SNX24: variants seen among roughly 807,000 people sequenced by gnomAD.
SNX24 encodes sorting nexin 24.
In SNX24, 22 loss-of-function variants were observed where a neutral mutation model predicts 28.7. The ratio of observed to expected loss-of-function variants is 0.77; its 90% confidence interval spans 0.55 to 1.10. SNX24 has a LOEUF of 1.10. SNX24 is among the 50% of genes least tolerant of loss of function. The pLI, the probability that SNX24 is intolerant of heterozygous loss-of-function variation, is 0.00. For missense variants in SNX24, 221 were observed against 201.1 expected (o/e 1.10, Z -0.60); for synonymous variants, 69 against 71.5 (o/e 0.96, Z 0.18).
In SNX24 at chr5:123,008,834, T is replaced by G; in HGVS notation, c.*1085T>G. On this transcript the variant is annotated 3_prime_UTR_variant, in exon 7 of 7. Coordinates refer to ENST00000261369, the MANE Select transcript of SNX24 (RefSeq NM_014035.4). ...GATATAACTCCACTGTACATCATCC[T>G]TTGAGTAGTAAAGGATAAAAGCATA... 6 of 974,624 alleles carry G rather than the reference T, an allele frequency of 6.2e-6. No individual in the cohort carries two copies. Among genetic ancestry groups the G allele is most frequent in the Non-Finnish European group, 7.3e-6 (6 of 819,610 alleles). 60.4% of individuals were successfully genotyped at this position (974,624 alleles called of 1,614,324 possible). A position where few individuals can be genotyped will look rare whatever the true frequency, so the allele number is the denominator to read the frequency against.
chr5:122,900,871 C>T (rs530252678), intron 1 of SNX24, among the ~76,000 whole-genome samples: 2 of 152,214 alleles, frequency 1.3e-5, no homozygotes, highest in South Asian at 4.2e-4. Context: ...AAGTAATGTT[C>T]CTTTTTCAGA....
downstream of SNX24, among the ~76,000 whole-genome samples, chr5:123,010,939 A>G (rs1257381969): frequency 6.6e-6 from 1 of 151,604 alleles, no homozygotes; most frequent in African/African-American, 2.4e-5. Flanking sequence ...AGCTGTATGG[A>G]TCTTCTATAA....
intron 3 of SNX24, among the ~76,000 whole-genome samples, chr5:122,947,028 G>A (rs908180028): frequency 1.3e-5 from 2 of 152,118 alleles, no homozygotes; most frequent in Non-Finnish European, 1.5e-5. Flanking sequence ...CTGGAGAAGC[G>A]ACACATGAGA....
intron 2 of SNX24, among the ~76,000 whole-genome samples, chr5:122,941,295 A>G (rs1759433928): frequency 6.6e-6 from 1 of 152,112 alleles, no homozygotes; most frequent in African/African-American, 2.4e-5. Flanking sequence ...TGAGGGAACC[A>G]TTATTCTGTC....
chr5:122,919,808 G>A (rs1758343407), intron 1 of SNX24, among the ~76,000 whole-genome samples: 1 of 152,144 alleles, frequency 6.6e-6, no homozygotes, highest in Admixed American at 6.5e-5. Context: ...ACCAGGTGCT[G>A]GCTACACGGT....
In SNX24 at chr5:122,975,882, G is replaced by A. The variant is rs1761142128; in HGVS notation, c.250-24030G>A. Among the ~76,000 whole-genome samples the A allele has an allele frequency of 2.6e-5, 4 of 152,152 alleles. No individual in the cohort carries two copies. The South Asian group carries it at 8.3e-4, about 32-fold the overall frequency. ...ATAATCATTCCCATATACCTTTAAGGGAACTGAAATTGTAGCAACCTTTTG... is the reference window on the plus strand; with the variant it reads ...ATAATCATTCCCATATACCTTTAAGAGAACTGAAATTGTAGCAACCTTTTG... On this transcript the variant is annotated intron_variant, in intron 3 of 6. Transcript: ENST00000261369.
intron 1 of SNX24, among the ~76,000 whole-genome samples, chr5:122,935,650 C>CT (rs1759148664): frequency 6.6e-6 from 1 of 152,282 alleles, no homozygotes; most frequent in African/African-American, 2.4e-5. Context: ...AATAGTCATA[C>CT]TTACATGTAA....
chr5:122,882,330 C>G (rs1756517057), intron 1 of SNX24, among the ~76,000 whole-genome samples: 1 of 152,180 alleles, frequency 6.6e-6, no homozygotes, highest in African/African-American at 2.4e-5. Flanking sequence ...TCCCACATAC[C>G]TTGTTAGCCT....
At chr5:122,919,287 T>A (rs1291187892) in intron 1 of SNX24, among the ~76,000 whole-genome samples, 1 of 152,208 alleles carries the variant, frequency 6.6e-6, no homozygotes, top group East Asian at 1.9e-4. Flanking sequence ...TCTAAGAGAT[T>A]GCATGTAAAT....
intron 1 of SNX24, among the ~76,000 whole-genome samples, chr5:122,900,351 T>A (rs534213125): frequency 6.6e-6 from 1 of 152,308 alleles, no homozygotes; most frequent in Non-Finnish European, 1.5e-5. Flanking sequence ...ATTTTTAAAA[T>A]GTGAACTATT....
chr5:122,954,430 T>C (rs1760115316), intron 3 of SNX24, among the ~76,000 whole-genome samples: 1 of 152,106 alleles, frequency 6.6e-6, no homozygotes, highest in African/African-American at 2.4e-5. Context: ...ATTGATATAA[T>C]TGGGGTTAGT....
chr5:123,015,850 T>A (rs139165866), intron 5 of SNX24, among the ~76,000 whole-genome samples: 1,668 of 152,226 alleles, frequency 0.011, 13 homozygotes, highest in Middle Eastern at 0.051. Flanking sequence ...AGCTGGTGAC[T>A]TTGTAGTGGG....
At chr5:122,866,403 C>T (rs1028383263) in intron 1 of SNX24, among the ~76,000 whole-genome samples, 15 of 152,176 alleles carry the variant, frequency 9.9e-5, no homozygotes, top group Non-Finnish European at 2.2e-4. Context: ...CTCACCTCAG[C>T]GTGCCAAAGT....
intron 1 of SNX24, among the ~76,000 whole-genome samples, chr5:122,861,231 T>C (rs1445238884): frequency 1.3e-5 from 2 of 152,066 alleles, no homozygotes; most frequent in East Asian, 3.9e-4. Flanking sequence ...TCCCAGCTAC[T>C]TGGGAGGCTG....
At chr5:122,854,418 G>T (rs531700511) in intron 1 of SNX24, among the ~76,000 whole-genome samples, 1 of 151,468 alleles carries the variant, frequency 6.6e-6, no homozygotes, top group African/African-American at 2.4e-5. Flanking sequence ...TGAGGCAGGA[G>T]AATGGCGTGA....
chr5:123,006,608 T>C (rs1175849795), intron 6 of SNX24, among the ~76,000 whole-genome samples: 2 of 152,258 alleles, frequency 1.3e-5, no homozygotes, highest in African/African-American at 4.8e-5. Context: ...GAGTTTCAGA[T>C]AAAGCCCAAA....
At chr5:122,956,406 A>T (rs1760219858) in intron 3 of SNX24, among the ~76,000 whole-genome samples, 1 of 141,886 alleles carries the variant, frequency 7.0e-6, no homozygotes, top group South Asian at 2.2e-4. Flanking sequence ...ACACACACAC[A>T]TACACAGCCA....
chr5:122,953,870 A>G (rs1013158577), intron 3 of SNX24, among the ~76,000 whole-genome samples: 4 of 152,330 alleles, frequency 2.6e-5, no homozygotes, highest in Admixed American at 6.5e-5. Flanking sequence ...ACTAAGGATA[A>G]TCTAAGCTAA....
At chr5:122,878,440 C>G (rs1756328084) in intron 1 of SNX24, among the ~76,000 whole-genome samples, 1 of 152,066 alleles carries the variant, frequency 6.6e-6, no homozygotes, top group Non-Finnish European at 1.5e-5. Flanking sequence ...GGAGAGAAGT[C>G]ATAAGAGCAA....
Sources: allele counts gnomAD v4.1 joint callset (sites outside exome capture counted in the v4.1 genomes callset), GRCh38; gene constraint gnomAD v4.1.1; transcripts MANE v1.5; gene names NCBI Gene and HGNC (gene_info 2026-07-23, HGNC 2026-07-21).